The following KPNA4 variants were observed in gnomAD, a reference collection of about 807,000 sequenced individuals.
KPNA4 encodes karyopherin subunit alpha 4, also known as importin subunit alpha-3.
A neutral mutation model predicts 71.3 loss-of-function variants in KPNA4; 13 were observed. The observed-to-expected ratio is 0.18, with a 90% CI of 0.12 to 0.29. The LOEUF (loss-of-function observed/expected upper bound fraction) is 0.29, where lower values mean the gene tolerates loss of function less well. KPNA4 is among the 10% of genes least tolerant of loss of function. The pLI is 1.00. For synonymous variants in KPNA4, 189 were observed against 195.2 expected (o/e 0.97, Z 0.26); for missense variants, 334 against 603.2 (o/e 0.55, Z 4.67).
intron 5 of KPNA4, 31 bp from the exon 6 acceptor site, chr3:160,531,588 TTAA>T: frequency 9.2e-7 from 1 of 1,082,504 alleles, no homozygotes; most frequent in East Asian, 2.4e-5. Flanking sequence ...CCTGTGAAAC[TTAA>T]TAACATACAA....
At chr3:160,541,872 A>G (rs923538869) in intron 1 of KPNA4, among the ~76,000 whole-genome samples, 1 of 152,236 alleles carries the variant, frequency 6.6e-6, no homozygotes, top group African/African-American at 2.4e-5. Flanking sequence ...TAAAATAGTA[A>G]TAAGGCCCAA....
At chr3:160,559,843 A>C (rs1435584080) in intron 1 of KPNA4, among the ~76,000 whole-genome samples, 1 of 152,164 alleles carries the variant, frequency 6.6e-6, no homozygotes, top group African/African-American at 2.4e-5. Flanking sequence ...GACCCGAAAA[A>C]AAGGTTCAAC....
rs571149251 is a variant in KPNA4, at chr3:160,511,731, A to T, written c.1138-1860T>A. Among the ~76,000 whole-genome samples the T allele has an allele frequency of 3.1e-4, 37 of 120,304 alleles. No individual in the cohort carries two copies. The South Asian group carries it at 4.3e-3, about 14-fold the overall frequency. The allele number at this position is 120,304 out of a possible 152,430, so 78.9% of individuals were successfully genotyped here. A position where few individuals can be genotyped will look rare whatever the true frequency, so the allele number is the denominator to read the frequency against. On this transcript the variant is annotated intron_variant, in intron 13 of 16. Transcript: ENST00000334256. ...TGTTATTTTTATATATATATATATA[A>T]ATATATTTGCATCTCTTTTGTCTCA... is the stretch of plus-strand genomic sequence containing the variant.
intron 11 of KPNA4, among the ~76,000 whole-genome samples, chr3:160,519,533 G>A (rs529504468): frequency 2.0e-5 from 3 of 152,146 alleles, no homozygotes; most frequent in South Asian, 2.1e-4. Context: ...GGTGGCTCAC[G>A]CCTGTAATCC....
intron 1 of KPNA4, among the ~76,000 whole-genome samples, chr3:160,560,098 C>T (rs1722211496): frequency 6.6e-6 from 1 of 152,002 alleles, no homozygotes; most frequent in African/African-American, 2.4e-5. Flanking sequence ...CCTATTATAC[C>T]CCGTGGACTA....
Position 160,500,159 on chromosome 3 carries a change from A to T in KPNA4, c.*1945T>A, listed in dbSNP as rs1357879527. ...AAAAATCCACACACCACACACACAC[A>T]CCCCATGTAAAACATTGCTTTAAGT... is the stretch of plus-strand genomic sequence containing the variant. On this transcript the variant is annotated 3_prime_UTR_variant, in exon 17 of 17. Coordinates refer to ENST00000334256, the MANE Select transcript of KPNA4 (RefSeq NM_002268.5). 1 of 152,042 alleles carries T rather than the reference A, an allele frequency of 6.6e-6. No homozygotes were observed. The highest frequency in any genetic ancestry group is 1.9e-4 in the East Asian group (1 of 5,194). The allele number at this position is 152,042 out of a possible 1,614,324, so 9.4% of individuals were successfully genotyped here. A position where few individuals can be genotyped will look rare whatever the true frequency, so the allele number is the denominator to read the frequency against.
intron 1 of KPNA4, among the ~76,000 whole-genome samples, chr3:160,544,269 A>G (rs1721863204): frequency 6.6e-6 from 1 of 152,254 alleles, no homozygotes; most frequent in Admixed American, 6.5e-5. Flanking sequence ...CAGGGAAAGA[A>G]AAGAGGTTAG....
intron 13 of KPNA4, among the ~76,000 whole-genome samples, chr3:160,513,535 G>A (rs1721144660): frequency 6.6e-6 from 1 of 152,080 alleles, no homozygotes; most frequent in South Asian, 2.1e-4. Context: ...AGACTGCTGG[G>A]ATTATAGGTG....
rs28562623 is a variant in KPNA4 at position 160,558,472 on chromosome 3, G to A, written c.69+6742C>T. On this transcript the variant is annotated intron_variant, in intron 1 of 16. Coordinates refer to ENST00000334256, the MANE Select transcript of KPNA4 (RefSeq NM_002268.5). ...CTAGGCATTGTTAAACATTTCAAAG[G>A]CTTAGACATAATTAAGTTAGCCTCC... 1.2e-3 allele frequency among the ~76,000 whole-genome samples: 177 copies of A among 152,286 alleles called. 2 individuals are homozygous for A. In the East Asian group the frequency reaches 0.032, roughly 28 times the overall value.
chr3:160,508,129 G>A lies in KPNA4; in HGVS notation c.1350C>T (p.Gly450=). The A allele has an allele frequency of 6.2e-7, 1 of 1,604,326 alleles. No homozygotes were observed. Among genetic ancestry groups the A allele is most frequent in the Non-Finnish European group, 8.5e-7 (1 of 1,175,998 alleles). ...TACCTCCACATTCTTCTATAAGATT[G>A]CCTATGGTTTCTGCCTCATCTTCAG... ...KMAEDEAETI[G]NLIEECGGLE... The change falls in exon 15 of 17, where the codon GGC becomes GGT. Residue 450 remains glycine (G), a synonymous_variant. Coordinates refer to ENST00000334256, the MANE Select transcript of KPNA4 (RefSeq NM_002268.5).
intron 10 of KPNA4, among the ~76,000 whole-genome samples, chr3:160,522,582 C>A (rs941854705): frequency 6.6e-6 from 1 of 152,138 alleles, no homozygotes; most frequent in Non-Finnish European, 1.5e-5. Flanking sequence ...CTCAGCCTCC[C>A]GAGTAGCTGG....
chr3:160,522,923 T>C (rs549749231), intron 10 of KPNA4, among the ~76,000 whole-genome samples: 2 of 151,100 alleles, frequency 1.3e-5, no homozygotes, highest in African/African-American at 4.9e-5. Context: ...TTCTACTAAG[T>C]AGCCTACCAT....
In KPNA4 at chr3:160,496,853, TGTCAA is replaced by T. The variant is rs1459131528; in HGVS notation, c.*5246_*5250del. The T allele has an allele frequency of 2.6e-5, 4 of 152,224 alleles. No individual in the cohort carries two copies. Among genetic ancestry groups the T allele is most frequent in the South Asian group, 2.1e-4 (1 of 4,836 alleles). 9.4% of individuals were successfully genotyped at this position (152,224 alleles called of 1,614,324 possible). On this transcript the variant is annotated 3_prime_UTR_variant, in exon 17 of 17. Coordinates refer to ENST00000334256, the MANE Select transcript of KPNA4 (RefSeq NM_002268.5). The stretch of plus-strand genomic sequence containing the variant: ...CTGCTCTTACACCCAGAGCAGTAGC[TGTCAA>T]GTCAATTTTATTGAAAATACACTGG...
At chr3:160,541,628 G>A (rs570682030) in intron 1 of KPNA4, among the ~76,000 whole-genome samples, 1 of 143,806 alleles carries the variant, frequency 7.0e-6, no homozygotes, top group Non-Finnish European at 1.5e-5. Context: ...TAATAAAGCG[G>A]TTTTTAAAAG....
intron 7 of KPNA4, among the ~76,000 whole-genome samples, chr3:160,530,022 G>A (rs1721540560): frequency 6.6e-6 from 1 of 150,382 alleles, no homozygotes; most frequent in African/African-American, 2.4e-5. Context: ...GTAGCCCCAG[G>A]TACTTGGGAG....
chr3:160,518,610 AGCACTTTG>A (rs1353155895), intron 11 of KPNA4, among the ~76,000 whole-genome samples: 2 of 151,044 alleles, frequency 1.3e-5, no homozygotes, highest in African/African-American at 4.9e-5. Flanking sequence ...CTGCAATCCC[AGCACTTTG>A]GGAGGCCGAG....
At chr3:160,534,288 T>C (rs1409707732) in intron 5 of KPNA4, among the ~76,000 whole-genome samples, 1 of 152,202 alleles carries the variant, frequency 6.6e-6, no homozygotes, top group African/African-American at 2.4e-5. Flanking sequence ...CTTATATTCA[T>C]AAATATACAA....
chr3:160,530,412 G>T (rs968069217), intron 7 of KPNA4, among the ~76,000 whole-genome samples: 1 of 152,128 alleles, frequency 6.6e-6, no homozygotes, highest in Non-Finnish European at 1.5e-5. Flanking sequence ...CTGGGAGGCC[G>T]AGGCTACAGT....
rs1262137318 is a variant in KPNA4 at position 160,530,240 on chromosome 3, A to G, written c.469+615T>C. ...TCCCAGCACACTGGGAGGCCAAAGC[A>G]GGTTGATCACTTGAGCCCAGAGTTA... On this transcript the variant is annotated intron_variant, in intron 7 of 16. Coordinates refer to ENST00000334256, the MANE Select transcript of KPNA4 (RefSeq NM_002268.5). Among the ~76,000 whole-genome samples, 4 of 151,954 alleles carry G rather than the reference A, an allele frequency of 2.6e-5. No homozygotes were observed. In the East Asian group the frequency reaches 5.8e-4, roughly 22 times the overall value.
Sources: allele counts gnomAD v4.1 joint callset (sites outside exome capture counted in the v4.1 genomes callset), GRCh38; gene constraint gnomAD v4.1.1; transcripts MANE v1.5; gene names NCBI Gene and HGNC (gene_info 2026-07-23, HGNC 2026-07-21).